The following ZNF534 variants were observed in gnomAD, a reference collection of about 807,000 sequenced individuals.
ZNF534 encodes the protein KRAB domain only 3.
A neutral mutation model predicts 13.6 loss-of-function variants in ZNF534; 19 were observed. The ratio of observed to expected loss-of-function variants is 1.40; its 90% CI spans 0.97 to 2.05. The LOEUF is 2.05. ZNF534 is among the 30% of genes most tolerant of loss of function. The pLI is 0.00. For synonymous variants in ZNF534, 244 were observed against 273.8 expected (o/e 0.89, Z 1.07); for missense variants, 782 against 796.3 (o/e 0.98, Z 0.22).
intron 4 of ZNF534, 93 bp from the exon 5 acceptor site, chr19:52,437,638 AT>A: frequency 3.2e-6 from 4 of 1,233,552 alleles, no homozygotes; most frequent in Non-Finnish European, 4.4e-6. Flanking sequence ...GATAATTTCA[AT>A]GTCTGAGTGA....
intron 1 of ZNF534, among the ~76,000 whole-genome samples, chr19:52,429,973 C>G (rs2059076366): frequency 6.7e-6 from 1 of 149,822 alleles, no homozygotes; most frequent in Non-Finnish European, 1.5e-5. Flanking sequence ...TTTCCCTTAA[C>G]AATGCCCTCC....
At chr19:52,432,634 A>G (rs1319331336) in intron 2 of ZNF534, among the ~76,000 whole-genome samples, 1 of 151,440 alleles carries the variant, frequency 6.6e-6, no homozygotes, top group Non-Finnish European at 1.5e-5. Context: ...TATTTTATTT[A>G]TTTATTTATT....
Position 52,439,989 on chromosome 19 carries a change from ACCT to A in ZNF534, c.*544_*546del, listed in dbSNP as rs2059161841. On this transcript the variant is annotated 3_prime_UTR_variant, in exon 5 of 5. Transcript: ENST00000433050. ...AGGCTGAGGCAGGAGAATTGCTTGA[ACCT>A]GGGAGGCAGAGGTTGTGATGAGCCG... Among the ~76,000 whole-genome samples, 1 of 152,102 alleles carries A rather than the reference ACCT, an allele frequency of 6.6e-6. No individual in the cohort carries two copies. The highest frequency in any genetic ancestry group is 2.4e-5 in the African/African-American group (1 of 41,414).
rs200270208 is a variant in ZNF534 at position 52,434,098 on chromosome 19, T to C, written c.142+17T>C. The stretch of plus-strand genomic sequence containing the variant: ...TCTCCCTAGGTGAGGATAATGTCCG[T>C]CCAGAAGCCTGCATCTGCTCTGGTA... On this transcript the variant is annotated intron_variant, in intron 3 of 4. Transcript: ENST00000433050. The C allele has an allele frequency of 2.5e-6, 4 of 1,609,858 alleles. No homozygotes were observed. In the Admixed American group the frequency reaches 6.8e-5, roughly 27 times the overall value.
exon 5 of ZNF534, chr19:52,451,632 A>G: frequency 3.1e-6 from 2 of 647,818 alleles, no homozygotes; most frequent in Non-Finnish European, 5.5e-6. Flanking sequence ...CCACCTATGG[A>G]GAAGGCTCTT....
At chr19:52,429,665 G>C (rs1349618212) in intron 1 of ZNF534, among the ~76,000 whole-genome samples, 1 of 149,984 alleles carries the variant, frequency 6.7e-6, no homozygotes, top group Non-Finnish European at 1.5e-5. Context: ...GCGTGATCTC[G>C]GCTCACTGCA....
Position 52,442,233 on chromosome 19 carries a change from A to T in ZNF534, c.*2787A>T, listed in dbSNP as rs985907982. On this transcript the variant is annotated 3_prime_UTR_variant, in exon 5 of 5. Transcript: ENST00000433050. The stretch of plus-strand genomic sequence containing the variant: ...GGACTGTGACATGTTCTTGATGGGC[A>T]TGACACCCATGCTGAAGGTCGTTGG... 6.6e-6 allele frequency among the ~76,000 whole-genome samples: 1 copy of T among 152,228 alleles called. No homozygotes were observed. The highest frequency in any genetic ancestry group is 1.5e-5 in the Non-Finnish European group (1 of 68,044).
intron 4 of ZNF534, among the ~76,000 whole-genome samples, chr19:52,436,089 A>T (rs1208060615): frequency 6.6e-6 from 1 of 151,682 alleles, no homozygotes; most frequent in African/African-American, 2.4e-5. Context: ...GGCTCCCGCC[A>T]CCATGCCTGG....
In ZNF534 at chr19:52,435,033, A is replaced by G. The variant is rs117938660; in HGVS notation, c.143-48A>G. On this transcript the variant is annotated intron_variant, in intron 3 of 4. Transcript: ENST00000433050. ...TCTCCTACCTAAATATAGGGCTTGG[A>G]CTTTGGAGATGCCACAGCACACATT... The G allele has an allele frequency of 9.5e-5, 151 of 1,590,274 alleles. 1 individual carries two copies. The East Asian group carries it at 3.3e-3, about 35-fold the overall frequency.
At chr19:52,429,706 C>T (rs2059074314) in intron 1 of ZNF534, among the ~76,000 whole-genome samples, 1 of 151,952 alleles carries the variant, frequency 6.6e-6, no homozygotes, top group Admixed American at 6.6e-5. Flanking sequence ...AGCGATTCTC[C>T]CGCCTGGGCC....
In ZNF534 at chr19:52,438,378, A is replaced by C; in HGVS notation, c.918A>C (p.Ala306=). The C allele has an allele frequency of 6.2e-7, 1 of 1,613,316 alleles. No homozygotes were observed. Among genetic ancestry groups the C allele is most frequent in the African/African-American group, 1.3e-5 (1 of 74,918 alleles). The change falls in exon 5 of 5, where the codon GCA becomes GCC. Residue 306 remains alanine, a synonymous_variant. Coordinates refer to ENST00000433050, the MANE Select transcript of ZNF534 (RefSeq NM_001143938.3). ...ACAAATGTAGTGAATGTGGCAAAGC[A>C]TTTAGTGTGTGTTCCAGTCTTACTG... ...KPYKCSECGK[A]FSVCSSLTAH...
downstream of ZNF534, among the ~76,000 whole-genome samples, chr19:52,442,533 C>T (rs1431401063): frequency 6.6e-6 from 1 of 152,210 alleles, no homozygotes; most frequent in Non-Finnish European, 1.5e-5. Context: ...CTGTCAGTCC[C>T]CTGATTTTCC....
At position 52,441,114 on chromosome 19, in the gene ZNF534, C is replaced by T. The variant is rs2059170137; in HGVS notation, c.*1668C>T. Among the ~76,000 whole-genome samples the T allele has an allele frequency of 6.6e-6, 1 of 152,134 alleles. No individual in the cohort carries two copies. Among genetic ancestry groups the T allele is most frequent in the South Asian group, 2.1e-4 (1 of 4,834 alleles). On this transcript the variant is annotated 3_prime_UTR_variant, in exon 5 of 5. Coordinates refer to ENST00000433050, the MANE Select transcript of ZNF534 (RefSeq NM_001143938.3). ...AGAGACGGGGTTTCACCATGTTAGC[C>T]AGGCTGGTCTCGATCTCCTGACCTT...
At chr19:52,433,633 TG>T (rs1430858350) in intron 2 of ZNF534, among the ~76,000 whole-genome samples, 6 of 152,248 alleles carry the variant, frequency 3.9e-5, no homozygotes, top group Non-Finnish European at 8.8e-5. Context: ...CCCAAAATGC[TG>T]GGATTACAGG....
At chr19:52,430,387 T>C (rs73588006) in intron 1 of ZNF534, among the ~76,000 whole-genome samples, 23,902 of 152,030 alleles carry the variant, frequency 0.16, 2,621 homozygotes, top group African/African-American at 0.31. Context: ...TAATAGGGTT[T>C]AGTACTGATG....
rs1479390216 is a variant in ZNF534, at chr19:52,439,402, A to T, written c.1942A>T (p.Ile648Phe). ...TGGCAAGGTCTTTAGTAAAAATTCC[A>T]TCCTAGTACAACATTGCAGTATTCA... ...ECGKVFSKNS[I>F]LVQHCSIHTR... Residue 648 changes from isoleucine to phenylalanine, a missense_variant, in exon 5 of 5, where the codon ATC becomes TTC. By Grantham distance (21) the Ile-to-Phe change is conservative. This residue lies in a region of ZNF534 where 60 missense variants were observed against 59.9 expected (regional missense o/e 1.00). Coordinates refer to ENST00000433050, the MANE Select transcript of ZNF534 (RefSeq NM_001143938.3). 1.3e-6 allele frequency: 2 copies of T among 1,547,958 alleles called. No individual in the cohort carries two copies. Among genetic ancestry groups the T allele is most frequent in the East Asian group, 4.9e-5 (2 of 40,912 alleles).
chr19:52,430,983 TGGGA>T, intron 1 of ZNF534, among the ~76,000 whole-genome samples: 1 of 152,262 alleles, frequency 6.6e-6, no homozygotes, highest in African/African-American at 2.4e-5. Flanking sequence ...CCTGAGTAGC[TGGGA>T]TTACAGGCCC....
At position 52,439,455 on chromosome 19, in the gene ZNF534, T is replaced by A. The variant is rs1344070639; in HGVS notation, c.*9T>A. On this transcript the variant is annotated 3_prime_UTR_variant, in exon 5 of 5. Transcript: ENST00000433050. The stretch of plus-strand genomic sequence containing the variant: ...CCAGAGAGAAGCCTTAAAAATTTAG[T>A]GAAGCTGGCAGGGCGCAGTGGCTCA... 6.7e-7 allele frequency: 1 copy of A among 1,503,012 alleles called. No homozygotes were observed. The highest frequency in any genetic ancestry group is 8.9e-7 in the Non-Finnish European group (1 of 1,124,442). 93.1% of individuals were successfully genotyped at this position (1,503,012 alleles called of 1,614,324 possible). A position where few individuals can be genotyped will look rare whatever the true frequency, so the allele number is the denominator to read the frequency against.
chr19:52,437,642 C>A, intron 4 of ZNF534, 90 bp from the exon 5 acceptor site: 1 of 1,256,008 alleles, frequency 8.0e-7, no homozygotes, highest in Non-Finnish European at 1.1e-6. Context: ...ATTTCAATGT[C>A]TGAGTGAAGT....
Sources: allele counts gnomAD v4.1 joint callset (sites outside exome capture counted in the v4.1 genomes callset), GRCh38; gene constraint gnomAD v4.1.1; regional missense constraint gnomAD v4.1.1; transcripts MANE v1.5; gene names NCBI Gene and HGNC (gene_info 2026-07-23, HGNC 2026-07-21).